ATXN10: variants seen among roughly 807,000 people sequenced by gnomAD.
ATXN10 encodes the protein ataxin 10, also known as ataxin-10.
ATXN10 carries 28 observed loss-of-function variants against 52.9 expected under a neutral mutation model. The ratio of observed to expected loss-of-function variants is 0.53; its 90% CI spans 0.39 to 0.73. ATXN10 has a LOEUF of 0.73. ATXN10 is among the 30% of genes least tolerant of loss of function. The pLI is 0.00. For synonymous variants in ATXN10, 226 were observed against 221.5 expected (o/e 1.02, Z -0.18); for missense variants, 565 against 577.0 (o/e 0.98, Z 0.21).
At chr22:45,672,207 CG>C (rs1452631712) in intron 1 of ATXN10, 28 bp downstream of exon 1, 2 of 1,496,864 alleles carry the variant, frequency 1.3e-6, no homozygotes, top group Non-Finnish European at 1.8e-6. Flanking sequence ...GGGGCTGCCC[CG>C]GGCAGGGGAG....
chr22:45,822,194 G>A (rs1399264792), intron 10 of ATXN10, among the ~76,000 whole-genome samples: 2 of 152,158 alleles, frequency 1.3e-5, no homozygotes, highest in African/African-American at 2.4e-5. Flanking sequence ...TAACATTTTT[G>A]CATTCTACTG....
At chr22:45,793,942 G>A (rs146560419) in intron 9 of ATXN10, among the ~76,000 whole-genome samples, 507 of 152,366 alleles carry the variant, frequency 3.3e-3, no homozygotes, top group Non-Finnish European at 5.7e-3. Context: ...CCTATAGGCA[G>A]TGTGCCCAGA....
chr22:45,739,104 T>C (rs936756625), intron 8 of ATXN10, among the ~76,000 whole-genome samples: 2 of 152,176 alleles, frequency 1.3e-5, no homozygotes, highest in Admixed American at 1.3e-4. Flanking sequence ...ATGCATATAG[T>C]AGATGTTTCA....
At chr22:45,765,402 C>A (rs1397884815) in intron 9 of ATXN10, among the ~76,000 whole-genome samples, 1 of 152,104 alleles carries the variant, frequency 6.6e-6, no homozygotes, top group Non-Finnish European at 1.5e-5. Context: ...AGTTTAGAGG[C>A]ATTAAAATGC....
chr22:45,845,134 C>T lies in ATXN10; in HGVS notation c.*1463C>T, dbSNP rs1929467908. 1 of 152,192 alleles carries T rather than the reference C, an allele frequency of 6.6e-6. No individual in the cohort carries two copies. The highest frequency in any genetic ancestry group is 2.1e-4 in the South Asian group (1 of 4,832). The allele number at this position is 152,192 out of a possible 1,614,324, so 9.4% of individuals were successfully genotyped here. A position where few individuals can be genotyped will look rare whatever the true frequency, so the allele number is the denominator to read the frequency against. On this transcript the variant is annotated 3_prime_UTR_variant, in exon 12 of 12. Transcript: ENST00000252934. The surrounding 1 kb of genome is among the most constrained non-coding windows in gnomAD (Gnocchi z 4.7). ...CTCTGTCCTCTAAATAGAAGCCTGGCCAAAGGGAGAAAACAGTGGGAGTCC... is the reference window on the plus strand; with the variant it reads ...CTCTGTCCTCTAAATAGAAGCCTGGTCAAAGGGAGAAAACAGTGGGAGTCC...
At chr22:45,792,921 G>T in intron 9 of ATXN10, 1 of 410,178 alleles carries the variant, frequency 2.4e-6, no homozygotes, top group Non-Finnish European at 5.0e-6. Flanking sequence ...TACATAGGGA[G>T]CCACATGAAG....
In ATXN10 at chr22:45,718,536, T is replaced by C. The variant is rs753912339; in HGVS notation, c.728+43T>C. ...GTGGTCTGGAGTATTTAGCATTCCA[T>C]ATAGGGTATTCGATGCACGTGACTG... On this transcript the variant is annotated intron_variant, in intron 6 of 11. Transcript: ENST00000252934. The surrounding 1 kb of genome is among the most constrained non-coding windows in gnomAD (Gnocchi z 4.4). The C allele has an allele frequency of 5.3e-6, 8 of 1,512,088 alleles. No homozygotes were observed. The South Asian group carries it at 9.0e-5, about 17-fold the overall frequency. The allele number at this position is 1,512,088 out of a possible 1,614,324, so 93.7% of individuals were successfully genotyped here. A position where few individuals can be genotyped will look rare whatever the true frequency, so the allele number is the denominator to read the frequency against.
rs1928595374 is a variant in ATXN10 at position 45,819,975 on chromosome 22, C to T, written c.1237+12953C>T. Among the ~76,000 whole-genome samples the T allele has an allele frequency of 6.6e-6, 1 of 152,274 alleles. No homozygotes were observed. Among genetic ancestry groups the T allele is most frequent in the Non-Finnish European group, 1.5e-5 (1 of 68,026 alleles). ...GATTTTTGTCTAAAAAGACCTTAGT[C>T]ACATTTAGCAGTGACCAAGGGCCTG... On this transcript the variant is annotated intron_variant, in intron 10 of 11. Coordinates refer to ENST00000252934, the MANE Select transcript of ATXN10 (RefSeq NM_013236.4). The surrounding 1 kb of genome is among the most constrained non-coding windows in gnomAD (Gnocchi z 4.5).
rs1019898954 is a variant in ATXN10, at chr22:45,818,965, G to A, written c.1237+11943G>A. On this transcript the variant is annotated intron_variant, in intron 10 of 11. Transcript: ENST00000252934. The surrounding 1 kb of genome is among the most constrained non-coding windows in gnomAD (Gnocchi z 4.6). Reference sequence around the variant, plus strand: ...GCTTCTTTGCATGCCTAAAACTTGCGTAGTCTGACACGTAGGGAAAACATG... The same window carrying A: ...GCTTCTTTGCATGCCTAAAACTTGCATAGTCTGACACGTAGGGAAAACATG... Among the ~76,000 whole-genome samples the A allele has an allele frequency of 1.3e-5, 2 of 152,120 alleles. No homozygotes were observed. Among genetic ancestry groups the A allele is most frequent in the African/African-American group, 4.8e-5 (2 of 41,416 alleles).
chr22:45,760,929 G>T (rs896525394), intron 9 of ATXN10, among the ~76,000 whole-genome samples: 5 of 152,166 alleles, frequency 3.3e-5, no homozygotes, highest in African/African-American at 1.2e-4. Flanking sequence ...AGCAGTGGAG[G>T]CCTGGTTGGA....
At chr22:45,673,421 G>C (rs1922553460) in intron 1 of ATXN10, 1 of 152,212 alleles carries the variant, frequency 6.6e-6, no homozygotes, top group African/African-American at 2.4e-5. Flanking sequence ...TGGGAAATGT[G>C]GAGCTGCTGA....
chr22:45,754,114 T>G lies in ATXN10; in HGVS notation c.1173+13576T>G, dbSNP rs996644089. 3.9e-5 allele frequency among the ~76,000 whole-genome samples: 5 copies of G among 127,802 alleles called. No individual in the cohort carries two copies. Among genetic ancestry groups the G allele is most frequent in the African/African-American group, 1.3e-4 (5 of 39,118 alleles). 83.8% of individuals were successfully genotyped at this position (127,802 alleles called of 152,430 possible). A position where few individuals can be genotyped will look rare whatever the true frequency, so the allele number is the denominator to read the frequency against. ...ACGCAACCTGGGTTCCTGAGCCTTA[T>G]GGGGTTAAGTGCAAAAGTGAGTCCT... On this transcript the variant is annotated intron_variant, in intron 9 of 11. Coordinates refer to ENST00000252934, the MANE Select transcript of ATXN10 (RefSeq NM_013236.4). This position sits in a 1 kb window ranked among gnomAD's most constrained non-coding sequence, Gnocchi z 5.4.
intron 1 of ATXN10, among the ~76,000 whole-genome samples, chr22:45,680,735 A>C (rs900034198): frequency 4.6e-5 from 7 of 151,620 alleles, no homozygotes; most frequent in Non-Finnish European, 8.8e-5. Context: ...TAGTATTGCG[A>C]TTACAGGTGT....
rs772372368 is a variant in ATXN10, at chr22:45,678,256, T to TA, written c.116+6084dup. 5 of 152,164 alleles carry TA rather than the reference T, an allele frequency of 3.3e-5. No homozygotes were observed. The highest frequency in any genetic ancestry group is 7.3e-5 in the Non-Finnish European group (5 of 68,038). 9.4% of individuals were successfully genotyped at this position (152,164 alleles called of 1,614,324 possible). ...TTATATATATGTATTTTACCACAGT[T>TA]AAAAAAATTAATAATACAATGTACC... On this transcript the variant is annotated intron_variant, in intron 1 of 11. Coordinates refer to ENST00000252934, the MANE Select transcript of ATXN10 (RefSeq NM_013236.4). The surrounding 1 kb of genome is among the most constrained non-coding windows in gnomAD (Gnocchi z 4.1).
chr22:45,748,455 G>A (rs1925822024), intron 9 of ATXN10, among the ~76,000 whole-genome samples: 1 of 152,112 alleles, frequency 6.6e-6, no homozygotes, highest in South Asian at 2.1e-4. Flanking sequence ...ACAAATATGA[G>A]AACTTTCTTT....
At chr22:45,699,273 T>C (rs955649276) in intron 3 of ATXN10, among the ~76,000 whole-genome samples, 3 of 152,036 alleles carry the variant, frequency 2.0e-5, no homozygotes, top group African/African-American at 7.3e-5. Context: ...TGTCTGGAGT[T>C]TTCTTTTCTT....
intron 5 of ATXN10, among the ~76,000 whole-genome samples, chr22:45,707,417 A>G (rs1242890383): frequency 6.6e-6 from 1 of 152,122 alleles, no homozygotes; most frequent in Non-Finnish European, 1.5e-5. Context: ...TACATACAAT[A>G]ATATGATGTG....
intron 1 of ATXN10, among the ~76,000 whole-genome samples, chr22:45,687,525 G>T (rs1415757573): frequency 6.6e-6 from 1 of 152,204 alleles, no homozygotes; most frequent in Non-Finnish European, 1.5e-5. Context: ...AGTAGGAAAA[G>T]AGAGGCGTTA....
intron 7 of ATXN10, 86 bp from the exon 8 acceptor site, chr22:45,738,645 A>T (rs1398637860): frequency 2.6e-6 from 3 of 1,141,902 alleles, no homozygotes; most frequent in Non-Finnish European, 3.8e-6. Context: ...ATTTATTGAA[A>T]TATTTTATTC....
Sources: allele counts gnomAD v4.1 joint callset (sites outside exome capture counted in the v4.1 genomes callset), GRCh38; gene constraint gnomAD v4.1.1; non-coding constraint Gnocchi (gnomAD v3.1); transcripts MANE v1.5; gene names NCBI Gene and HGNC (gene_info 2026-07-23, HGNC 2026-07-21).